TCF15: variants seen among roughly 807,000 people sequenced by gnomAD.
TCF15 encodes the protein TCF-15.
In TCF15, 7 loss-of-function variants were observed where a neutral mutation model predicts 11.1. That is an observed-to-expected ratio of 0.63 (90% confidence interval 0.36 to 1.19). The LOEUF (loss-of-function observed/expected upper bound fraction) is 1.19, where lower values mean the gene tolerates loss of function less well. TCF15 is among the 50% of genes most tolerant of loss of function. The pLI, the probability that TCF15 is intolerant of heterozygous loss-of-function variation, is 0.02. For synonymous variants in TCF15, 144 were observed against 138.9 expected (o/e 1.04, Z -0.26); for missense variants, 288 against 289.4 (o/e 1.00, Z 0.03).
intron 1 of TCF15, among the ~76,000 whole-genome samples, chr20:605,482 G>A (rs1169519566): frequency 1.3e-5 from 2 of 152,236 alleles, no homozygotes; most frequent in Non-Finnish European, 2.9e-5. Context: ...CATTCCATGG[G>A]GATGAATCTC....
chr20:609,890 C>T lies in TCF15; in HGVS notation c.348G>A (p.Leu116=), dbSNP rs1232962087. The T allele has an allele frequency of 6.5e-7, 1 of 1,528,586 alleles. No homozygotes were observed. The highest frequency in any genetic ancestry group is 1.8e-4 in the Middle Eastern group (1 of 5,686). 94.7% of individuals were successfully genotyped at this position (1,528,586 alleles called of 1,614,324 possible). The change falls in exon 1 of 2, where the codon CTG becomes CTA. Residue 116 remains leucine, a synonymous_variant. Coordinates refer to ENST00000246080, the MANE Select transcript of TCF15 (RefSeq NM_004609.4). This position sits in a 1 kb window ranked among gnomAD's most constrained non-coding sequence, Gnocchi z 4.7. The part of the protein sequence containing the change: ...RKLSKIETVR[L]ASSYIAHLAN... ...CCAGGTGCGCGATGTAGCTGGACGC[C>T]AGGCGCACGGTCTCGATCTTGGACA... is the stretch of plus-strand genomic sequence containing the variant.
chr20:606,045 G>A (rs1204840578), intron 1 of TCF15, among the ~76,000 whole-genome samples: 1 of 152,188 alleles, frequency 6.6e-6, no homozygotes, highest in African/African-American at 2.4e-5. Flanking sequence ...TGGGAGCTCT[G>A]TCCCCTGCCC....
intron 1 of TCF15, among the ~76,000 whole-genome samples, chr20:608,939 A>AC (rs2019999167): frequency 6.6e-6 from 1 of 152,062 alleles, no homozygotes; most frequent in African/African-American, 2.4e-5. Context: ...GCCCCCGCCC[A>AC]CCCCTACCAG....
rs976072849 is a variant in TCF15 at position 604,404 on chromosome 20, A to C, written c.*187T>G. The C allele has an allele frequency of 1.9e-5, 12 of 626,754 alleles. 1 individual carries two copies. Among genetic ancestry groups the C allele is most frequent in the Non-Finnish European group, 2.9e-5 (10 of 349,526 alleles). 38.8% of individuals were successfully genotyped at this position (626,754 alleles called of 1,614,324 possible). A position where few individuals can be genotyped will look rare whatever the true frequency, so the allele number is the denominator to read the frequency against. ...TGTCTCTGACCAGCCAGAGCTGGGC[A>C]GGCTGAATGGATCCTCACAGCTCTC... is the stretch of plus-strand genomic sequence containing the variant. On this transcript the variant is annotated 3_prime_UTR_variant, in exon 2 of 2. Transcript: ENST00000246080. The surrounding 1 kb of genome is among the most constrained non-coding windows in gnomAD (Gnocchi z 4.2).
chr20:610,073 G>A lies in TCF15; in HGVS notation c.165C>T (p.Gly55=), dbSNP rs1280782916. The change falls in exon 1 of 2, where the codon GGC becomes GGT. Residue 55 remains glycine, a synonymous_variant. Transcript: ENST00000246080. Reference sequence around the variant, plus strand: ...CGCCGCCGCCGCCCGCCCGCCGCCCGCCCCCGGGGCCCGGGCCGCGCCGCG... The same window carrying A: ...CGCCGCCGCCGCCCGCCCGCCGCCCACCCCCGGGGCCCGGGCCGCGCCGCG... ...EAARRGPGPG[G]GRRAGGGGGA... is the part of the protein sequence containing the mutation. The A allele has an allele frequency of 1.7e-4, 172 of 987,882 alleles. No homozygotes were observed. The African/African-American group carries it at 2.5e-3, about 14-fold the overall frequency. 61.2% of individuals were successfully genotyped at this position (987,882 alleles called of 1,614,324 possible).
chr20:610,141 C>A lies in TCF15; in HGVS notation c.97G>T (p.Ala33Ser). 9.7e-7 allele frequency: 1 copy of A among 1,032,812 alleles called. No individual in the cohort carries two copies. The allele number at this position is 1,032,812 out of a possible 1,614,324, so 64.0% of individuals were successfully genotyped here. Residue 33 changes from alanine (A) to serine (S), a missense_variant, in exon 1 of 2, where the codon GCG (alanine) becomes TCG (serine). Physicochemically the swap from Ala to Ser is moderately conservative, Grantham distance 99 (BLOSUM62 1). Coordinates refer to ENST00000246080, the MANE Select transcript of TCF15 (RefSeq NM_004609.4). ...EDEENRSESD[A>S]SDQSFGCCEG... The stretch of plus-strand genomic sequence containing the variant: ...CAGCAGCCGAACGACTGGTCCGACG[C>A]GTCGCTCTCGCTGCGGTTCTCCTCG...
Position 609,158 on chromosome 20 carries a change from C to T in TCF15, c.525+555G>A, listed in dbSNP as rs2020000999. On this transcript the variant is annotated intron_variant, in intron 1 of 1. Transcript: ENST00000246080. This position sits in a 1 kb window ranked among gnomAD's most constrained non-coding sequence, Gnocchi z 4.7. ...CCTCCTTTCTTCTCAGTCTCCTGCT[C>T]TTGGGTTAGATCTTAGGACAGGGGA... Among the ~76,000 whole-genome samples, 1 of 152,162 alleles carries T rather than the reference C, an allele frequency of 6.6e-6. No homozygotes were observed. The highest frequency in any genetic ancestry group is 1.5e-5 in the Non-Finnish European group (1 of 68,040).
chr20:610,252 T>TC lies in TCF15; in HGVS notation c.-16dup. 3 of 992,140 alleles carry TC rather than the reference T, an allele frequency of 3.0e-6. No individual in the cohort carries two copies. The highest frequency in any genetic ancestry group is 4.4e-5 in the South Asian group (1 of 22,504). The allele number at this position is 992,140 out of a possible 1,614,324, so 61.5% of individuals were successfully genotyped here. The stretch of plus-strand genomic sequence containing the variant: ...GCGAACGCCATGGGCGCCGGCCGCG[T>TC]CCCTCCGTGCGCCGCGTCCCAGCGT... On this transcript the variant is annotated 5_prime_UTR_variant, in exon 1 of 2. Coordinates refer to ENST00000246080, the MANE Select transcript of TCF15 (RefSeq NM_004609.4).
Position 604,578 on chromosome 20 carries a change from C to T in TCF15, c.*13G>A. On this transcript the variant is annotated 3_prime_UTR_variant, in exon 2 of 2. Transcript: ENST00000246080. The surrounding 1 kb of genome is among the most constrained non-coding windows in gnomAD (Gnocchi z 4.2). ...AGTGGCTGGCTCCTGGCCTCCTTCT[C>T]CAGGGTCCAGGCTCATCTCCGTGGC... 1 of 1,551,102 alleles carries T rather than the reference C, an allele frequency of 6.4e-7. No individual in the cohort carries two copies. Among genetic ancestry groups the T allele is most frequent in the Admixed American group, 2.0e-5 (1 of 51,168 alleles).
In TCF15 at chr20:604,547, C is replaced by T; in HGVS notation, c.*44G>A. On this transcript the variant is annotated 3_prime_UTR_variant, in exon 2 of 2. Transcript: ENST00000246080. This position sits in a 1 kb window ranked among gnomAD's most constrained non-coding sequence, Gnocchi z 4.2. Reference sequence around the variant, plus strand: ...TGGCTCCTGGGGTCTTCTTCCCTGTCCAGCCAGTGGCTGGCTCCTGGCCTC... The same window carrying T: ...TGGCTCCTGGGGTCTTCTTCCCTGTTCAGCCAGTGGCTGGCTCCTGGCCTC... The T allele has an allele frequency of 2.0e-6, 3 of 1,525,898 alleles. No individual in the cohort carries two copies. The highest frequency in any genetic ancestry group is 2.7e-6 in the Non-Finnish European group (3 of 1,123,954). 94.5% of individuals were successfully genotyped at this position (1,525,898 alleles called of 1,614,324 possible). A position where few individuals can be genotyped will look rare whatever the true frequency, so the allele number is the denominator to read the frequency against.
Position 609,815 on chromosome 20 carries a change from G to GAA in TCF15, c.421_422dup (p.Arg142SerfsTer46). 2 of 1,506,302 alleles carry GAA rather than the reference G, an allele frequency of 1.3e-6. No homozygotes were observed. Among genetic ancestry groups the GAA allele is most frequent in the Non-Finnish European group, 1.8e-6 (2 of 1,138,902 alleles). The allele number at this position is 1,506,302 out of a possible 1,614,324, so 93.3% of individuals were successfully genotyped here. A position where few individuals can be genotyped will look rare whatever the true frequency, so the allele number is the denominator to read the frequency against. On this transcript the variant is annotated frameshift_variant, in exon 1 of 2. Coordinates refer to ENST00000246080, the MANE Select transcript of TCF15 (RefSeq NM_004609.4). LOFTEE classifies it high-confidence loss of function. This position sits in a 1 kb window ranked among gnomAD's most constrained non-coding sequence, Gnocchi z 4.7. ...CGCCCTTGGCACTGCCCGCGGCACG[G>GAA]AAGCACGGCTGCCCGTCGTCGGCCG...
rs1203913082 is a variant in TCF15, at chr20:610,165, C to A, written c.73G>T (p.Glu25Ter). The A allele has an allele frequency of 3.8e-6, 4 of 1,053,218 alleles. No homozygotes were observed. Among genetic ancestry groups the A allele is most frequent in the Non-Finnish European group, 4.6e-6 (4 of 867,878 alleles). The allele number at this position is 1,053,218 out of a possible 1,614,324, so 65.2% of individuals were successfully genotyped here. A position where few individuals can be genotyped will look rare whatever the true frequency, so the allele number is the denominator to read the frequency against. ...YPDVRLLSED[E>*]ENRSESDASD... ...GCGTCGCTCTCGCTGCGGTTCTCCTCGTCCTCGCTCAGCAGCCGCACGTCC... is the reference window on the plus strand; with the variant it reads ...GCGTCGCTCTCGCTGCGGTTCTCCTAGTCCTCGCTCAGCAGCCGCACGTCC... The change falls in exon 1 of 2, where the codon GAG (glutamate) becomes TAG (stop). Residue 25 changes from glutamate (E) to a stop codon, truncating the protein, a stop_gained. Coordinates refer to ENST00000246080, the MANE Select transcript of TCF15 (RefSeq NM_004609.4). LOFTEE classifies it high-confidence loss of function.
chr20:610,092 C>G lies in TCF15; in HGVS notation c.146G>C (p.Arg49Pro). ...GCCEGPEAARRGPGPGGGRRA... is the reference protein window; with the variant it reads ...GCCEGPEAARPGPGPGGGRRA... The stretch of plus-strand genomic sequence containing the variant: ...CCGCCCGCCCCCGGGGCCCGGGCCG[C>G]GCCGCGCCGCCTCCGGGCCCTCGCA... The change falls in exon 1 of 2, where the codon CGC becomes CCC. Residue 49 changes from arginine to proline, a missense_variant. By Grantham distance (103) the Arg-to-Pro change is moderately radical (BLOSUM62 -2). Transcript: ENST00000246080. 1 of 985,708 alleles carries G rather than the reference C, an allele frequency of 1.0e-6. No homozygotes were observed. Among genetic ancestry groups the G allele is most frequent in the Non-Finnish European group, 1.2e-6 (1 of 830,666 alleles). 61.1% of individuals were successfully genotyped at this position (985,708 alleles called of 1,614,324 possible).
intron 1 of TCF15, among the ~76,000 whole-genome samples, chr20:605,581 G>A (rs1264032077): frequency 1.3e-5 from 2 of 152,180 alleles, no homozygotes; most frequent in Non-Finnish European, 2.9e-5. Context: ...TCACTCTGTG[G>A]TCCCATTTCC....
chr20:609,870 T>C lies in TCF15; in HGVS notation c.368A>G (p.His123Arg). Residue 123 changes from histidine to arginine, a missense_variant, in exon 1 of 2, where the codon CAC becomes CGC. Physicochemically the swap from His to Arg is conservative, Grantham distance 29. Transcript: ENST00000246080. This position sits in a 1 kb window ranked among gnomAD's most constrained non-coding sequence, Gnocchi z 4.7. ...TVRLASSYIAHLANVLLLGDS... is the reference protein window; with the variant it reads ...TVRLASSYIARLANVLLLGDS... Reference sequence around the variant, plus strand: ...GCCCAGCAGCAGCACGTTGGCCAGGTGCGCGATGTAGCTGGACGCCAGGCG... The same window carrying C: ...GCCCAGCAGCAGCACGTTGGCCAGGCGCGCGATGTAGCTGGACGCCAGGCG... 6.5e-7 allele frequency: 1 copy of C among 1,527,724 alleles called. No individual in the cohort carries two copies. The highest frequency in any genetic ancestry group is 8.7e-7 in the Non-Finnish European group (1 of 1,148,282). The allele number at this position is 1,527,724 out of a possible 1,614,324, so 94.6% of individuals were successfully genotyped here.
Position 609,808 on chromosome 20 carries a change from C to A in TCF15, c.430G>T (p.Ala144Ser). The A allele has an allele frequency of 6.7e-7, 1 of 1,497,392 alleles. No individual in the cohort carries two copies. The highest frequency in any genetic ancestry group is 8.8e-7 in the Non-Finnish European group (1 of 1,134,646). The allele number at this position is 1,497,392 out of a possible 1,614,324, so 92.8% of individuals were successfully genotyped here. A position where few individuals can be genotyped will look rare whatever the true frequency, so the allele number is the denominator to read the frequency against. ...ADDGQPCFRA[A>S]GSAKGAVPAA... The stretch of plus-strand genomic sequence containing the variant: ...GGGACGGCGCCCTTGGCACTGCCCG[C>A]GGCACGGAAGCACGGCTGCCCGTCG... Residue 144 changes from alanine (A) to serine (S), a missense_variant, in exon 1 of 2, where the codon GCG (alanine) becomes TCG (serine). By Grantham distance (99) the Ala-to-Ser change is moderately conservative. Coordinates refer to ENST00000246080, the MANE Select transcript of TCF15 (RefSeq NM_004609.4). The surrounding 1 kb of genome is among the most constrained non-coding windows in gnomAD (Gnocchi z 4.7).
chr20:609,880 A>G lies in TCF15; in HGVS notation c.358T>C (p.Tyr120His), dbSNP rs1390720313. The G allele has an allele frequency of 6.5e-7, 1 of 1,527,692 alleles. No homozygotes were observed. The allele number at this position is 1,527,692 out of a possible 1,614,324, so 94.6% of individuals were successfully genotyped here. A position where few individuals can be genotyped will look rare whatever the true frequency, so the allele number is the denominator to read the frequency against. The part of the protein sequence containing the change: ...KIETVRLASS[Y>H]IAHLANVLLL... ...AGCACGTTGGCCAGGTGCGCGATGT[A>G]GCTGGACGCCAGGCGCACGGTCTCG... Residue 120 changes from tyrosine (Y) to histidine (H), a missense_variant, in exon 1 of 2, where the codon TAC (tyrosine) becomes CAC (histidine). Physicochemically the swap from Tyr to His is moderately conservative, Grantham distance 83 (BLOSUM62 2). Coordinates refer to ENST00000246080, the MANE Select transcript of TCF15 (RefSeq NM_004609.4). This position sits in a 1 kb window ranked among gnomAD's most constrained non-coding sequence, Gnocchi z 4.7.
Position 609,417 on chromosome 20 carries a change from G to A in TCF15, c.525+296C>T, listed in dbSNP as rs1226331763. On this transcript the variant is annotated intron_variant, in intron 1 of 1. Coordinates refer to ENST00000246080, the MANE Select transcript of TCF15 (RefSeq NM_004609.4). This position sits in a 1 kb window ranked among gnomAD's most constrained non-coding sequence, Gnocchi z 4.7. ...ATAAAAGATGGGTCTTTGTTACTCA[G>A]TCCTCATGCCGTCTTCCCAGCAGGA... Among the ~76,000 whole-genome samples, 1 of 152,244 alleles carries A rather than the reference G, an allele frequency of 6.6e-6. No individual in the cohort carries two copies. Among genetic ancestry groups the A allele is most frequent in the Non-Finnish European group, 1.5e-5 (1 of 68,048 alleles).
rs762284441 is a variant in TCF15 at position 610,263 on chromosome 20, G to C, written c.-26C>G. On this transcript the variant is annotated 5_prime_UTR_variant, in exon 1 of 2. Coordinates refer to ENST00000246080, the MANE Select transcript of TCF15 (RefSeq NM_004609.4). ...GGGCGCCGGCCGCGTCCCTCCGTGCGCCGCGTCCCAGCGTCGGCCGCGCCC... is the reference window on the plus strand; with the variant it reads ...GGGCGCCGGCCGCGTCCCTCCGTGCCCCGCGTCCCAGCGTCGGCCGCGCCC... The C allele has an allele frequency of 1.0e-6, 1 of 989,592 alleles. No individual in the cohort carries two copies. Among genetic ancestry groups the C allele is most frequent in the East Asian group, 1.1e-4 (1 of 8,928 alleles). The allele number at this position is 989,592 out of a possible 1,614,324, so 61.3% of individuals were successfully genotyped here. A position where few individuals can be genotyped will look rare whatever the true frequency, so the allele number is the denominator to read the frequency against.
Sources: gnomAD v4.1 joint callset for allele counts (sites outside exome capture counted in the v4.1 genomes callset) on GRCh38, gnomAD v4.1.1 for gene constraint, Gnocchi (gnomAD v3.1) non-coding constraint, MANE v1.5 for transcripts, NCBI Gene and HGNC (gene_info 2026-07-23, HGNC 2026-07-21) for gene names.